NHSL1: variants seen among roughly 807,000 people sequenced by gnomAD.
NHSL1 encodes NHS-like protein 1.
NHSL1 carries 48 observed loss-of-function variants against 95.0 expected under a neutral mutation model. That is an observed-to-expected ratio of 0.51 (90% confidence interval 0.40 to 0.64). NHSL1 has a LOEUF of 0.64. Ranked by LOEUF, NHSL1 falls within the 30% of genes least tolerant of loss-of-function variation. NHSL1 has a pLI of 0.00. For synonymous variants in NHSL1, 783 were observed against 833.9 expected (o/e 0.94, Z 1.05); for missense variants, 1,971 against 2,077.7 (o/e 0.95, Z 1.00).
intron 1 of NHSL1, among the ~76,000 whole-genome samples, chr6:138,639,279 A>G (rs1032004049): frequency 6.6e-6 from 1 of 152,234 alleles, no homozygotes; most frequent in Non-Finnish European, 1.5e-5. Context: ...GGTATAAAGT[A>G]TATTTCATTT....
chr6:138,651,392 T>C (rs1050913057), intron 1 of NHSL1, among the ~76,000 whole-genome samples: 2 of 152,268 alleles, frequency 1.3e-5, no homozygotes, highest in African/African-American at 4.8e-5. Flanking sequence ...TTTTGTAATA[T>C]GCAAGCTTCT....
intron 1 of NHSL1, among the ~76,000 whole-genome samples, chr6:138,520,302 T>G (rs78600637): frequency 7.1e-6 from 1 of 140,028 alleles, no homozygotes. Context: ...TTTTTTTTTT[T>G]TTTTTGAGAT....
chr6:138,669,253 C>T (rs774829689), intron 1 of NHSL1, among the ~76,000 whole-genome samples: 1 of 152,104 alleles, frequency 6.6e-6, no homozygotes, highest in Admixed American at 6.5e-5. Flanking sequence ...CCTACTGAAA[C>T]TGCAGCAAAG....
rs567005200 is a variant in NHSL1 at position 138,471,383 on chromosome 6, T to C, written c.339+1923A>G. On this transcript the variant is annotated intron_variant, in intron 3 of 7. Coordinates refer to ENST00000343505, the MANE Select transcript of NHSL1 (RefSeq NM_001144060.2). ...AGTGTATCTGAATAAACAGAAGTCCTACTCTGTAATTCACCTTCTGGTTTT... is the reference window on the plus strand; with the variant it reads ...AGTGTATCTGAATAAACAGAAGTCCCACTCTGTAATTCACCTTCTGGTTTT... 3.3e-5 allele frequency among the ~76,000 whole-genome samples: 5 copies of C among 152,304 alleles called. No homozygotes were observed. In the South Asian group the frequency reaches 8.3e-4, roughly 25 times the overall value.
intron 1 of NHSL1, among the ~76,000 whole-genome samples, chr6:138,659,239 G>A (rs376171374): frequency 2.6e-5 from 4 of 151,682 alleles, no homozygotes; most frequent in Admixed American, 6.6e-5. Context: ...TAGTAAAGAC[G>A]GGGTTTCACC....
At chr6:138,658,182 G>A (rs911958179) in intron 1 of NHSL1, among the ~76,000 whole-genome samples, 2 of 152,044 alleles carry the variant, frequency 1.3e-5, no homozygotes, top group African/African-American at 4.8e-5. Flanking sequence ...AATAAAAATT[G>A]TATATATTTA....
intron 2 of NHSL1, among the ~76,000 whole-genome samples, chr6:138,480,200 T>G (rs1473114035): frequency 6.6e-6 from 1 of 152,236 alleles, no homozygotes; most frequent in Non-Finnish European, 1.5e-5. Flanking sequence ...CCATGCATAC[T>G]AAACTCCTGC....
intron 3 of NHSL1, among the ~76,000 whole-genome samples, chr6:138,464,710 C>CTTTTTT (rs1388677216): frequency 4.5e-5 from 5 of 111,690 alleles, no homozygotes; most frequent in Admixed American, 9.9e-5. Context: ...TTTTTTTTTT[C>CTTTTTT]TTTTCTTTTT....
At position 138,423,830 on chromosome 6, in the gene NHSL1, A is replaced by AG. The variant is rs1775063687; in HGVS notation, c.*250_*251insC. ...CAGCATTTAGCAAAAAAAAAAAAAAAAAAAAAAAATCTTCCCCGGGAAGCA... is the reference window on the plus strand; with the variant it reads ...CAGCATTTAGCAAAAAAAAAAAAAAAGAAAAAAAAATCTTCCCCGGGAAGCA... On this transcript the variant is annotated 3_prime_UTR_variant, in exon 8 of 8. Transcript: ENST00000343505. The AG allele has an allele frequency of 3.1e-6, 1 of 327,456 alleles. No homozygotes were observed. Among genetic ancestry groups the AG allele is most frequent in the South Asian group, 1.5e-4 (1 of 6,484 alleles). The allele number at this position is 327,456 out of a possible 1,614,324, so 20.3% of individuals were successfully genotyped here.
chr6:138,497,901 C>A (rs774453704), intron 1 of NHSL1, among the ~76,000 whole-genome samples: 5 of 152,318 alleles, frequency 3.3e-5, no homozygotes, highest in Non-Finnish European at 7.3e-5. Context: ...ACATTGAGAA[C>A]TAGATATCAA....
intron 1 of NHSL1, among the ~76,000 whole-genome samples, chr6:138,553,371 G>A (rs1466970389): frequency 6.6e-6 from 1 of 152,118 alleles, no homozygotes; most frequent in Non-Finnish European, 1.5e-5. Flanking sequence ...CCAGTAGCAG[G>A]ATCAATCTCA....
intron 1 of NHSL1, among the ~76,000 whole-genome samples, chr6:138,661,896 C>T (rs1381936616): frequency 5.3e-5 from 8 of 152,052 alleles, no homozygotes; most frequent in African/African-American, 1.7e-4. Flanking sequence ...CAAAATAAGA[C>T]TCTGTCTCTA....
chr6:138,506,016 C>T (rs1780946366), intron 1 of NHSL1, among the ~76,000 whole-genome samples: 3 of 151,946 alleles, frequency 2.0e-5, no homozygotes, highest in Admixed American at 2.0e-4. Flanking sequence ...ATAGACACAC[C>T]CATTCATTCT....
At chr6:138,479,560 G>A (rs956366135) in intron 2 of NHSL1, among the ~76,000 whole-genome samples, 17 of 152,178 alleles carry the variant, frequency 1.1e-4, no homozygotes, top group African/African-American at 4.1e-4. Flanking sequence ...GGGCTGTTGT[G>A]AGATTTCATC....
intron 1 of NHSL1, among the ~76,000 whole-genome samples, chr6:138,544,510 T>C (rs1488345279): frequency 6.6e-6 from 1 of 152,122 alleles, no homozygotes; most frequent in African/African-American, 2.4e-5. Context: ...TATTAAAGAC[T>C]GGTAGGTTTT....
chr6:138,529,749 G>C (rs573860294), intron 1 of NHSL1, among the ~76,000 whole-genome samples: 1 of 152,150 alleles, frequency 6.6e-6, no homozygotes, highest in African/African-American at 2.4e-5. Context: ...CTCAACTTCC[G>C]CTCTGCCATC....
rs572549508 is a variant in NHSL1 at position 138,619,295 on chromosome 6, G to T, written c.96+73181C>A. 7.9e-5 allele frequency among the ~76,000 whole-genome samples: 12 copies of T among 152,198 alleles called. No individual in the cohort carries two copies. In the East Asian group the frequency reaches 2.1e-3, roughly 27 times the overall value. ...AGATGTTGCAGTGAGCCGAGATCACGCCACTGCACTCCAGCCTGGATGACA... is the reference window on the plus strand; with the variant it reads ...AGATGTTGCAGTGAGCCGAGATCACTCCACTGCACTCCAGCCTGGATGACA... On this transcript the variant is annotated intron_variant, in intron 1 of 3. Transcript: ENST00000491526.
In NHSL1 at chr6:138,431,517, G is replaced by T; in HGVS notation, c.2828C>A (p.Pro943His). ...PPVPSPPFPC[P>H]ADRSPFLPPP... ...AGGAAGGAAAGGAGACCTGTCTGCA[G>T]GACAAGGGAATGGAGGAGAGGGAAC... is the stretch of plus-strand genomic sequence containing the variant. Residue 943 changes from proline (P) to histidine (H), a missense_variant, in exon 6 of 8, where the codon CCT becomes CAT. Transcript: ENST00000343505. This position sits in a 1 kb window ranked among gnomAD's most constrained non-coding sequence, Gnocchi z 4.0. 6.4e-7 allele frequency: 1 copy of T among 1,551,158 alleles called. No homozygotes were observed. The highest frequency in any genetic ancestry group is 8.7e-7 in the Non-Finnish European group (1 of 1,146,724).
intron 5 of NHSL1, among the ~76,000 whole-genome samples, chr6:138,439,791 G>C (rs537575784): frequency 3.3e-5 from 5 of 151,830 alleles, no homozygotes; most frequent in Admixed American, 6.5e-5. Flanking sequence ...ATGATGCGGG[G>C]AAAGCTATTT....
Sources: gnomAD v4.1 joint callset for allele counts (sites outside exome capture counted in the v4.1 genomes callset) on GRCh38, gnomAD v4.1.1 for gene constraint, Gnocchi (gnomAD v3.1) non-coding constraint, MANE v1.5 for transcripts, NCBI Gene and HGNC (gene_info 2026-07-23, HGNC 2026-07-21) for gene names.